The following PRKD1 variants were observed in gnomAD, a reference collection of about 807,000 sequenced individuals.
PRKD1 encodes the protein serine/threonine-protein kinase D1.
Under a neutral mutation model 95.9 loss-of-function variants are expected in PRKD1, and 63 were observed. That is an observed-to-expected ratio of 0.66 (90% confidence interval 0.54 to 0.81). The LOEUF is 0.81. Ranked by LOEUF, PRKD1 falls within the 30% of genes least tolerant of loss-of-function variation. PRKD1 has a pLI of 0.00. For synonymous variants in PRKD1, 425 were observed against 423.1 expected, an observed-to-expected ratio of 1.00 and a Z score of -0.05; for missense variants, 1,048 against 1,165.3, an observed-to-expected ratio of 0.90 and a Z score of 1.47.
At chr14:29,603,760 A>G (rs1203612312) in intron 13 of PRKD1, among the ~76,000 whole-genome samples, 2 of 152,326 alleles carry the variant, frequency 1.3e-5, no homozygotes, top group South Asian at 2.1e-4. Flanking sequence ...GTGTGCAAAA[A>G]GAGTTTTGCC....
intron 16 of PRKD1, among the ~76,000 whole-genome samples, chr14:29,586,827 G>GT (rs1170824602): frequency 2.6e-5 from 4 of 152,068 alleles, no homozygotes; most frequent in Non-Finnish European, 5.9e-5. Context: ...GTTTCTCCAT[G>GT]TTGGTCAGGC....
At chr14:29,869,210 A>C (rs1893017455) in intron 1 of PRKD1, among the ~76,000 whole-genome samples, 1 of 152,144 alleles carries the variant, frequency 6.6e-6, no homozygotes, top group African/African-American at 2.4e-5. Flanking sequence ...TGGGAGGCCG[A>C]GGAGGATGGA....
chr14:29,698,189 C>G (rs1884634928), intron 2 of PRKD1, among the ~76,000 whole-genome samples: 2 of 152,072 alleles, frequency 1.3e-5, no homozygotes, highest in African/African-American at 4.8e-5. Flanking sequence ...ACATTTGAAA[C>G]ATAAACAAAT....
intron 1 of PRKD1, chr14:29,811,768 T>G (rs1327399854): frequency 6.6e-6 from 1 of 152,170 alleles, no homozygotes; most frequent in Non-Finnish European, 1.5e-5. Flanking sequence ...GCATGTTCCA[T>G]TATCCCACCA....
chr14:29,603,202 A>G (rs749083606), intron 13 of PRKD1, among the ~76,000 whole-genome samples: 1 of 152,208 alleles, frequency 6.6e-6, no homozygotes, highest in Non-Finnish European at 1.5e-5. Context: ...CAAAGTACAT[A>G]TTGAATGACA....
intron 4 of PRKD1, among the ~76,000 whole-genome samples, chr14:29,644,060 T>G (rs763795965): frequency 1.3e-5 from 2 of 152,196 alleles, no homozygotes; most frequent in Non-Finnish European, 2.9e-5. Context: ...GTAAGCAGTT[T>G]CACCTGAGAT....
rs191645541 is a variant in PRKD1 at position 29,895,697 on chromosome 14, C to A, written c.264+31552G>T. Among the ~76,000 whole-genome samples, 43 of 152,312 alleles carry A rather than the reference C, an allele frequency of 2.8e-4. No homozygotes were observed. The East Asian group carries it at 7.9e-3, about 28-fold the overall frequency. ...GGCAGCCTCGCTGCTGTCCTGCAAG[C>A]ACTTTAGGACTTTTGCACTGACTGT... On this transcript the variant is annotated intron_variant, in intron 1 of 17. Transcript: ENST00000331968.
chr14:29,654,837 T>C (rs1881745002), intron 4 of PRKD1, among the ~76,000 whole-genome samples: 1 of 152,236 alleles, frequency 6.6e-6, no homozygotes, highest in African/African-American at 2.4e-5. Context: ...CACTAAAACA[T>C]TTCTCTGAAG....
chr14:29,920,015 G>GGGAA (rs398043721), intron 1 of PRKD1, among the ~76,000 whole-genome samples: 10,850 of 104,238 alleles, frequency 0.1, 607 homozygotes, highest in Middle Eastern at 0.12. Context: ...GAAGGAAGGA[G>GGGAA]GGAAGGAAGG....
chr14:29,645,928 G>A (rs1228372851), intron 4 of PRKD1, among the ~76,000 whole-genome samples: 1 of 152,008 alleles, frequency 6.6e-6, no homozygotes, highest in East Asian at 1.9e-4. Flanking sequence ...GCATGCAACT[G>A]TATTATTTAC....
intron 1 of PRKD1, among the ~76,000 whole-genome samples, chr14:29,814,599 G>A (rs1890618784): frequency 6.6e-6 from 1 of 152,144 alleles, no homozygotes; most frequent in East Asian, 1.9e-4. Flanking sequence ...AGTCTGCACA[G>A]CTGACTTTGA....
At chr14:29,730,426 T>C (rs1341608962) in intron 1 of PRKD1, among the ~76,000 whole-genome samples, 1 of 151,992 alleles carries the variant, frequency 6.6e-6, no homozygotes, top group Non-Finnish European at 1.5e-5. Flanking sequence ...GGAATGCAAA[T>C]AGGTACAGCC....
intron 4 of PRKD1, among the ~76,000 whole-genome samples, chr14:29,663,416 T>C (rs530085671): frequency 7.2e-5 from 11 of 152,218 alleles, no homozygotes; most frequent in African/African-American, 2.4e-4. Flanking sequence ...AAGCGATGTT[T>C]TGCAACATTA....
At chr14:29,891,202 G>A (rs1008954490) in intron 1 of PRKD1, among the ~76,000 whole-genome samples, 1 of 152,178 alleles carries the variant, frequency 6.6e-6, no homozygotes, top group Non-Finnish European at 1.5e-5. Flanking sequence ...CTTTAAAGTA[G>A]TATAATTTTC....
intron 16 of PRKD1, chr14:29,591,331 TGACA>T (rs1893120764): frequency 6.6e-6 from 1 of 152,138 alleles, no homozygotes. Flanking sequence ...ATTTTAGAAA[TGACA>T]GAAATTTATA....
chr14:29,876,259 G>A (rs1594595164), intron 1 of PRKD1, among the ~76,000 whole-genome samples: 2 of 152,312 alleles, frequency 1.3e-5, no homozygotes, highest in Middle Eastern at 3.4e-3. Flanking sequence ...CTCACTATAT[G>A]TGGTTCCATT....
At chr14:29,638,637 C>CTTAA in intron 5 of PRKD1, 57 bp downstream of exon 5, 2 of 1,611,998 alleles carry the variant, frequency 1.2e-6, no homozygotes, top group Non-Finnish European at 1.7e-6. Context: ...CCAGAAAATA[C>CTTAA]TTATGTCAGA....
chr14:29,643,440 A>T (rs996326728), intron 4 of PRKD1, among the ~76,000 whole-genome samples: 1 of 152,188 alleles, frequency 6.6e-6, no homozygotes, highest in Non-Finnish European at 1.5e-5. Context: ...CAAGTGTTTC[A>T]TTTGAAATTA....
chr14:29,898,244 G>A (rs1199179890), intron 1 of PRKD1, among the ~76,000 whole-genome samples: 1 of 152,056 alleles, frequency 6.6e-6, no homozygotes, highest in African/African-American at 2.4e-5. Context: ...GTATGTTTCT[G>A]ATGGTCATTA....
Sources: allele counts gnomAD v4.1 joint callset (sites outside exome capture counted in the v4.1 genomes callset), GRCh38; gene constraint gnomAD v4.1.1; transcripts MANE v1.5; gene names NCBI Gene and HGNC (gene_info 2026-07-23, HGNC 2026-07-21).